Variants in SCFD2 observed in about 807,000 individuals in gnomAD.
SCFD2 encodes the protein sec1 family domain containing 2, also known as sec1 family domain-containing protein 2.
A neutral mutation model predicts 58.9 loss-of-function variants in SCFD2; 54 were observed. The ratio of observed to expected loss-of-function variants is 0.92; its 90% confidence interval spans 0.74 to 1.15. The LOEUF is 1.15. Ranked by LOEUF, SCFD2 falls within the 50% of genes most tolerant of loss-of-function variation. The probability of loss-of-function intolerance (pLI) is 0.00; values close to 1 mark genes in which losing one functional copy is unlikely to be tolerated. For synonymous variants in SCFD2, 321 were observed against 335.9 expected (o/e 0.96, Z 0.49); for missense variants, 805 against 836.6 (o/e 0.96, Z 0.47).
intron 5 of SCFD2, among the ~76,000 whole-genome samples, chr4:52,992,786 G>A (rs76269998): frequency 0.11 from 16,777 of 151,254 alleles, 1,092 homozygotes; most frequent in East Asian, 0.32. Context: ...CCCCCCCTCC[G>A]CCAGGCAGCC....
At chr4:53,239,510 GT>G in intron 4 of SCFD2, among the ~76,000 whole-genome samples, 1 of 152,122 alleles carries the variant, frequency 6.6e-6, no homozygotes. Context: ...ATAAGACGGA[GT>G]TTCGCTCTTG....
chr4:53,028,203 C>A (rs879853834), intron 5 of SCFD2, among the ~76,000 whole-genome samples: 3 of 150,184 alleles, frequency 2.0e-5, no homozygotes, highest in East Asian at 4.0e-4. Flanking sequence ...GCAGAGATTG[C>A]GCCACTGTAC....
At chr4:53,005,743 T>A (rs1451236294) in intron 5 of SCFD2, among the ~76,000 whole-genome samples, 3 of 152,192 alleles carry the variant, frequency 2.0e-5, no homozygotes, top group Admixed American at 2.0e-4. Flanking sequence ...AAAAGGATTA[T>A]ATGCTCTTAT....
rs1385077477 is a variant in SCFD2, at chr4:53,162,591, C to A, written c.1312-17009G>T. The stretch of plus-strand genomic sequence containing the variant: ...GTGTTCCTATTTCTCCACATCCTCT[C>A]CAGCACCTGTTGTTTCCTGACTTTT... On this transcript the variant is annotated intron_variant, in intron 4 of 8. Transcript: ENST00000401642. Among the ~76,000 whole-genome samples, 20 of 152,168 alleles carry A rather than the reference C, an allele frequency of 1.3e-4. No homozygotes were observed. In the East Asian group the frequency reaches 1.4e-3, roughly 10 times the overall value.
intron 4 of SCFD2, among the ~76,000 whole-genome samples, chr4:53,199,395 A>G (rs1415038848): frequency 1.3e-5 from 2 of 152,114 alleles, no homozygotes; most frequent in African/African-American, 4.8e-5. Flanking sequence ...TGGGTTGTGT[A>G]GTATAAGAAG....
At chr4:52,960,026 C>G (rs1244086654) in intron 5 of SCFD2, among the ~76,000 whole-genome samples, 2 of 152,094 alleles carry the variant, frequency 1.3e-5, no homozygotes, top group Non-Finnish European at 2.9e-5. Context: ...TAAGTTTTGT[C>G]ACCTTGTCCA....
At chr4:53,213,698 C>T (rs1728700913) in intron 4 of SCFD2, among the ~76,000 whole-genome samples, 2 of 151,988 alleles carry the variant, frequency 1.3e-5, no homozygotes, top group African/African-American at 4.8e-5. Context: ...GGTACATGTG[C>T]AAAACATGAA....
chr4:53,146,137 C>T (rs992509404), intron 4 of SCFD2, among the ~76,000 whole-genome samples: 4 of 152,154 alleles, frequency 2.6e-5, no homozygotes, highest in African/African-American at 9.7e-5. Flanking sequence ...GTAATGGTCA[C>T]TTAGGGTTCA....
At chr4:52,968,948 T>G (rs1359485479) in intron 5 of SCFD2, among the ~76,000 whole-genome samples, 1 of 152,216 alleles carries the variant, frequency 6.6e-6, no homozygotes, top group Non-Finnish European at 1.5e-5. Context: ...AATCCAGTTT[T>G]GGCAAAGAAT....
chr4:53,253,042 G>T (rs1560413231), intron 4 of SCFD2, among the ~76,000 whole-genome samples: 1 of 151,738 alleles, frequency 6.6e-6, no homozygotes, highest in African/African-American at 2.4e-5. Context: ...ACATTTACAA[G>T]AAAAAAACAA....
At chr4:53,092,220 G>A (rs1013174419) in intron 5 of SCFD2, among the ~76,000 whole-genome samples, 3 of 152,046 alleles carry the variant, frequency 2.0e-5, no homozygotes, top group Non-Finnish European at 4.4e-5. Context: ...CTGAGCTTTT[G>A]GTGGATTTAC....
chr4:53,304,028 A>G (rs1353622845), intron 3 of SCFD2, among the ~76,000 whole-genome samples: 2 of 151,726 alleles, frequency 1.3e-5, no homozygotes, highest in Non-Finnish European at 2.9e-5. Context: ...GGTGCAGCAC[A>G]CCAACTTGGC....
chr4:53,327,295 C>G (rs1733234025), intron 2 of SCFD2, among the ~76,000 whole-genome samples: 1 of 152,124 alleles, frequency 6.6e-6, no homozygotes, highest in Admixed American at 6.6e-5. Flanking sequence ...GGGACATCCA[C>G]ATGGGATGGA....
chr4:52,951,006 G>A (rs555613406), intron 5 of SCFD2: 3 of 152,268 alleles, frequency 2.0e-5, no homozygotes, highest in East Asian at 3.9e-4. Flanking sequence ...GTAAATTAAA[G>A]GAATTAGAGA....
intron 4 of SCFD2, among the ~76,000 whole-genome samples, chr4:53,196,297 C>T (rs1728055125): frequency 6.6e-6 from 1 of 152,084 alleles, no homozygotes; most frequent in Admixed American, 6.6e-5. Flanking sequence ...ACATGATTGT[C>T]GAAATGCTGG....
At chr4:52,881,118 G>A (rs1718599114) in intron 8 of SCFD2, among the ~76,000 whole-genome samples, 1 of 152,254 alleles carries the variant, frequency 6.6e-6, no homozygotes. Context: ...CCACAGGCAG[G>A]AGAGTGGAGA....
At chr4:52,914,959 A>AC (rs370875965) in intron 6 of SCFD2, among the ~76,000 whole-genome samples, 1 of 152,262 alleles carries the variant, frequency 6.6e-6, no homozygotes, top group Non-Finnish European at 1.5e-5. Flanking sequence ...TTAAAAAAAT[A>AC]CCACATTTAA....
chr4:53,351,158 G>T (rs757414938), intron 2 of SCFD2, among the ~76,000 whole-genome samples: 16 of 152,158 alleles, frequency 1.1e-4, no homozygotes, highest in Non-Finnish European at 1.3e-4. Context: ...TTTCCCAAAC[G>T]TAAAATGCTT....
At chr4:53,348,029 A>G (rs1186108430) in intron 2 of SCFD2, among the ~76,000 whole-genome samples, 1 of 152,230 alleles carries the variant, frequency 6.6e-6, no homozygotes, top group African/African-American at 2.4e-5. Flanking sequence ...CAACAGGAGG[A>G]AAACATAAAA....
Sources: allele counts gnomAD v4.1 joint callset (sites outside exome capture counted in the v4.1 genomes callset), GRCh38; gene constraint gnomAD v4.1.1; transcripts MANE v1.5; gene names NCBI Gene and HGNC (gene_info 2026-07-23, HGNC 2026-07-21).